MDGA2: variants seen among roughly 807,000 people sequenced by gnomAD.
MDGA2 encodes the protein MAM domain containing glycosylphosphatidylinositol anchor 2.
In MDGA2, 40 loss-of-function variants were observed where a neutral mutation model predicts 117.8. That is an observed-to-expected ratio of 0.34 (90% CI 0.26 to 0.44). The LOEUF is 0.44. Ranked by LOEUF, MDGA2 falls within the 20% of genes least tolerant of loss-of-function variation. MDGA2 has a pLI of 1.00. For synonymous variants in MDGA2, 452 were observed against 439.0 expected, an observed-to-expected ratio of 1.03 and a Z score of -0.37; for missense variants, 1,123 against 1,250.6, an observed-to-expected ratio of 0.90 and a Z score of 1.54.
chr14:47,542,132 A>C (rs2138757963), intron 1 of MDGA2, among the ~76,000 whole-genome samples: 1 of 152,342 alleles, frequency 6.6e-6, no homozygotes, highest in South Asian at 2.1e-4. Flanking sequence ...AGGATAAGGA[A>C]TAAGAAACAA....
chr14:47,597,436 T>A (rs1451897663), intron 1 of MDGA2, among the ~76,000 whole-genome samples: 1 of 152,132 alleles, frequency 6.6e-6, no homozygotes, highest in East Asian at 1.9e-4. Flanking sequence ...AAATTCTTTT[T>A]CAATAATGAA....
intron 7 of MDGA2, among the ~76,000 whole-genome samples, chr14:47,048,446 T>C (rs1034898401): frequency 3.9e-5 from 6 of 151,992 alleles, no homozygotes; most frequent in African/African-American, 1.4e-4. Context: ...CCAGAAAAAA[T>C]CAAAATTTTA....
rs200085539 is a variant in MDGA2 at position 47,128,216 on chromosome 14, T to C, written c.925+3498A>G. 3.5e-4 allele frequency among the ~76,000 whole-genome samples: 51 copies of C among 147,110 alleles called. No homozygotes were observed. The East Asian group carries it at 0.011, about 31-fold the overall frequency. On this transcript the variant is annotated intron_variant, in intron 5 of 16. Coordinates refer to ENST00000399232, the MANE Select transcript of MDGA2 (RefSeq NM_001113498.3). ...GCTTTAATTGCTGCAGGACAGTTCA[T>C]TATGTGTCAGATGATAGAAAAATAC...
intron 6 of MDGA2, among the ~76,000 whole-genome samples, chr14:47,071,243 T>G (rs184726076): frequency 6.6e-6 from 1 of 152,188 alleles, no homozygotes; most frequent in Non-Finnish European, 1.5e-5. Flanking sequence ...TTAAAGAGGT[T>G]AATTTAATCC....
At chr14:47,329,263 A>C (rs9323131) in intron 1 of MDGA2, among the ~76,000 whole-genome samples, 27,877 of 152,028 alleles carry the variant, frequency 0.18, 2,897 homozygotes, top group East Asian at 0.44. Context: ...GAACTATCTA[A>C]AGACAAACAA....
At chr14:47,374,738 G>C (rs912552905) in intron 1 of MDGA2, among the ~76,000 whole-genome samples, 1 of 151,934 alleles carries the variant, frequency 6.6e-6, no homozygotes, top group Non-Finnish European at 1.5e-5. Flanking sequence ...TTCTCAAACG[G>C]ATGAATGTTA....
At chr14:47,286,285 A>T (rs12435071) in intron 2 of MDGA2, among the ~76,000 whole-genome samples, 4 of 151,946 alleles carry the variant, frequency 2.6e-5, no homozygotes, top group Non-Finnish European at 4.4e-5. Context: ...TATTGTGAAC[A>T]ATAGTCACCC....
At position 47,061,516 on chromosome 14, in the gene MDGA2, T is replaced by C. The variant is rs879015949; in HGVS notation, c.1258A>G (p.Ile420Val). The stretch of plus-strand genomic sequence containing the variant: ...CAAGATATTTTCACCTCACGGCCAA[T>C]CTGGATGTTGTCATCTTTGTGATAA... Reference protein sequence around the residue: ...DPYHKDDNIQIGREVKISCQV... With the variant: ...DPYHKDDNIQVGREVKISCQV... Residue 420 changes from isoleucine (I) to valine (V), a missense_variant, in exon 7 of 17, where the codon ATT becomes GTT. Transcript: ENST00000399232. 1 of 1,613,370 alleles carries C rather than the reference T, an allele frequency of 6.2e-7. No individual in the cohort carries two copies. Among genetic ancestry groups the C allele is most frequent in the Non-Finnish European group, 8.5e-7 (1 of 1,179,564 alleles).
chr14:47,334,996 T>C (rs1383575505), intron 1 of MDGA2, among the ~76,000 whole-genome samples: 1 of 151,936 alleles, frequency 6.6e-6, no homozygotes, highest in Non-Finnish European at 1.5e-5. Flanking sequence ...GGGTGGTTTG[T>C]AAGATAGCAG....
At chr14:47,041,970 A>T (rs1331265465) in intron 7 of MDGA2, among the ~76,000 whole-genome samples, 1 of 152,056 alleles carries the variant, frequency 6.6e-6, no homozygotes, top group African/African-American at 2.4e-5. Flanking sequence ...TCAATATAAG[A>T]ATCATAAGAA....
intron 1 of MDGA2, among the ~76,000 whole-genome samples, chr14:47,396,383 ACT>A (rs1383333853): frequency 6.6e-6 from 1 of 152,046 alleles, no homozygotes; most frequent in Non-Finnish European, 1.5e-5. Flanking sequence ...TTAAATTAGG[ACT>A]CTAGAAAAAA....
At chr14:47,399,098 C>T (rs553172857) in intron 1 of MDGA2, among the ~76,000 whole-genome samples, 107 of 152,196 alleles carry the variant, frequency 7.0e-4, no homozygotes, top group African/African-American at 2.2e-3. Flanking sequence ...AGAAAGAAAA[C>T]CAGGTTTTTG....
intron 1 of MDGA2, among the ~76,000 whole-genome samples, chr14:47,492,315 T>G (rs1894186649): frequency 6.6e-6 from 1 of 152,138 alleles, no homozygotes; most frequent in African/African-American, 2.4e-5. Flanking sequence ...AGATGATATA[T>G]TCACTCAATC....
chr14:47,384,508 T>C (rs1891713894), intron 1 of MDGA2, among the ~76,000 whole-genome samples: 2 of 152,078 alleles, frequency 1.3e-5, no homozygotes, highest in Admixed American at 1.3e-4. Flanking sequence ...TCTTCTATTT[T>C]CTTCTTGGTA....
intron 9 of MDGA2, 70 bp from the exon 10 acceptor site, chr14:46,920,230 G>C (rs1884073988): frequency 7.1e-7 from 1 of 1,404,074 alleles, no homozygotes; most frequent in Non-Finnish European, 9.6e-7. Flanking sequence ...ATTCCCTTTG[G>C]CCCTTTTACC....
chr14:47,492,706 A>G (rs530697151), intron 1 of MDGA2, among the ~76,000 whole-genome samples: 7 of 152,296 alleles, frequency 4.6e-5, no homozygotes, highest in Middle Eastern at 3.4e-3. Context: ...AGTATTTTAA[A>G]GCACTGCATT....
At chr14:47,339,907 G>A (rs575539011) in intron 1 of MDGA2, among the ~76,000 whole-genome samples, 1 of 152,152 alleles carries the variant, frequency 6.6e-6, no homozygotes, top group South Asian at 2.1e-4. Context: ...TCATGAGTTT[G>A]TATCCACACA....
At chr14:47,059,276 T>TC (rs1484068115) in intron 7 of MDGA2, 1 of 1,234,648 alleles carries the variant, frequency 8.1e-7, no homozygotes, top group Admixed American at 2.3e-5. Flanking sequence ...TTGTAGAGCT[T>TC]CCATTCTATG....
chr14:47,302,189 C>T (rs1490351716), intron 1 of MDGA2, among the ~76,000 whole-genome samples: 1 of 152,158 alleles, frequency 6.6e-6, no homozygotes, highest in Non-Finnish European at 1.5e-5. Context: ...TAGCATAAAG[C>T]TGCCCAAATT....
Sources: gnomAD v4.1 joint callset for allele counts (sites outside exome capture counted in the v4.1 genomes callset) on GRCh38, gnomAD v4.1.1 for gene constraint, MANE v1.5 for transcripts, NCBI Gene and HGNC (gene_info 2026-07-23, HGNC 2026-07-21) for gene names.